TBC1D5: variants seen among roughly 807,000 people sequenced by gnomAD.
TBC1D5 encodes the protein TBC1 domain family, member 5.
In TBC1D5, 75 loss-of-function variants were observed where a neutral mutation model predicts 100.3. That is an observed-to-expected ratio of 0.75 (90% confidence interval 0.62 to 0.91). The LOEUF is 0.91. Ranked by LOEUF, TBC1D5 falls within the 40% of genes least tolerant of loss-of-function variation. TBC1D5 has a pLI of 0.00. For synonymous variants in TBC1D5, 323 were observed against 325.6 expected, an observed-to-expected ratio of 0.99 and a Z score of 0.09; for missense variants, 910 against 942.4, an observed-to-expected ratio of 0.97 and a Z score of 0.45.
At chr3:17,530,243 CAAA>C (rs57879135) in intron 2 of TBC1D5, among the ~76,000 whole-genome samples, 2 of 59,926 alleles carry the variant, frequency 3.3e-5, no homozygotes, top group South Asian at 1.1e-3. Flanking sequence ...GACTTCGTCT[CAAA>C]AAAAAAAAAA....
At chr3:17,169,408 G>A (rs1010434072) in intron 19 of TBC1D5, among the ~76,000 whole-genome samples, 28 of 152,160 alleles carry the variant, frequency 1.8e-4, no homozygotes, top group Non-Finnish European at 3.5e-4. Context: ...AAGGGGCAGG[G>A]CAATGACTGA....
intron 15 of TBC1D5, among the ~76,000 whole-genome samples, chr3:17,287,833 G>A (rs1048882572): frequency 6.6e-6 from 1 of 152,146 alleles, no homozygotes; most frequent in Non-Finnish European, 1.5e-5. Context: ...AGGATAAAGC[G>A]CTTTTCTGAA....
chr3:17,543,971 G>A (rs1006801060), intron 2 of TBC1D5, among the ~76,000 whole-genome samples: 3 of 151,744 alleles, frequency 2.0e-5, no homozygotes, highest in Non-Finnish European at 4.4e-5. Flanking sequence ...AGGTGCAAGC[G>A]ATTCGCCTGC....
intron 2 of TBC1D5, among the ~76,000 whole-genome samples, chr3:17,591,250 A>AC (rs2096767858): frequency 7.3e-6 from 1 of 137,052 alleles, no homozygotes; most frequent in Non-Finnish European, 1.6e-5. Context: ...AAAAAAAAAA[A>AC]AAAAAAAAAA....
Position 17,485,989 on chromosome 3 carries a change from C to A in TBC1D5, c.97+22485G>T, listed in dbSNP as rs575760667. Among the ~76,000 whole-genome samples, 545 of 152,112 alleles carry A rather than the reference C, an allele frequency of 3.6e-3. 4 individuals are homozygous for A. Among genetic ancestry groups the A allele is most frequent in the South Asian group, 0.027 (128 of 4,816 alleles). On this transcript the variant is annotated intron_variant, in intron 3 of 21. Coordinates refer to ENST00000253692, the Ensembl canonical transcript of TBC1D5. Reference sequence around the variant, plus strand: ...TAAAAGTGTTCCTATTTCTCCACATCCTCTCCAGCACCTGTTGTTTCCTGA... The same window carrying A: ...TAAAAGTGTTCCTATTTCTCCACATACTCTCCAGCACCTGTTGTTTCCTGA...
chr3:17,509,491 T>G (rs2095878534), intron 2 of TBC1D5, among the ~76,000 whole-genome samples: 1 of 152,058 alleles, frequency 6.6e-6, no homozygotes, highest in African/African-American at 2.4e-5. Flanking sequence ...TCATTAACAA[T>G]GGATGTTTCC....
chr3:17,241,272 A>T (rs1401636526), intron 16 of TBC1D5, among the ~76,000 whole-genome samples: 1 of 152,228 alleles, frequency 6.6e-6, no homozygotes, highest in Non-Finnish European at 1.5e-5. Flanking sequence ...TCCAACAATT[A>T]TTAATGGCTG....
intron 1 of TBC1D5, among the ~76,000 whole-genome samples, chr3:17,714,053 C>T (rs758470844): frequency 1.3e-5 from 2 of 152,166 alleles, no homozygotes; most frequent in East Asian, 1.9e-4. Flanking sequence ...GTACAAATGG[C>T]GGCCTTAGGC....
chr3:17,338,554 C>T (rs1358652684), intron 13 of TBC1D5: 2 of 152,072 alleles, frequency 1.3e-5, no homozygotes, highest in African/African-American at 4.8e-5. Flanking sequence ...GTGCCAAGCA[C>T]AAATAAATTC....
At chr3:17,442,523 G>A (rs1349377939) in intron 3 of TBC1D5, among the ~76,000 whole-genome samples, 2 of 152,220 alleles carry the variant, frequency 1.3e-5, no homozygotes, top group Non-Finnish European at 2.9e-5. Context: ...CAGACACAGT[G>A]TGTGGGGTAA....
rs540627273 is a variant in TBC1D5 at position 17,608,844 on chromosome 3, C to T, written c.-36+15005G>A. ...TGTTTCTTTCCTGAATCAGCATAAA[C>T]CAGTCACAAATCATTATTCTTAGCA... On this transcript the variant is annotated intron_variant, in intron 2 of 21. Transcript: ENST00000253692. 2.6e-5 allele frequency among the ~76,000 whole-genome samples: 4 copies of T among 152,232 alleles called. No homozygotes were observed. In the South Asian group the frequency reaches 8.3e-4, roughly 32 times the overall value.
chr3:17,320,827 T>C (rs1403993712), intron 13 of TBC1D5, among the ~76,000 whole-genome samples: 1 of 152,206 alleles, frequency 6.6e-6, no homozygotes, highest in Non-Finnish European at 1.5e-5. Flanking sequence ...TTTCTATATG[T>C]ATTGAGGGTC....
chr3:17,528,419 T>C (rs908309264), intron 2 of TBC1D5, among the ~76,000 whole-genome samples: 1 of 152,156 alleles, frequency 6.6e-6, no homozygotes, highest in Admixed American at 6.5e-5. Context: ...CAAGGTACCA[T>C]CTTGGAAGCA....
chr3:17,374,594 T>C, intron 11 of TBC1D5, 35 bp downstream of exon 11: 1 of 1,609,532 alleles, frequency 6.2e-7, no homozygotes, highest in Non-Finnish European at 8.5e-7. Context: ...AATGATGGTA[T>C]AAAAAAATAA....
intron 2 of TBC1D5, among the ~76,000 whole-genome samples, chr3:17,612,815 C>T (rs995806809): frequency 3.5e-5 from 5 of 143,800 alleles, no homozygotes; most frequent in East Asian, 2.0e-4. Context: ...AAAATGAACA[C>T]GAAAAAAAAA....
At chr3:17,370,067 C>T (rs576232404) in intron 13 of TBC1D5, among the ~76,000 whole-genome samples, 41 of 152,006 alleles carry the variant, frequency 2.7e-4, no homozygotes, top group African/African-American at 7.2e-4. Flanking sequence ...GGTCAAAATG[C>T]CAAAGAAATT....
chr3:17,724,415 C>T (rs2075955105), intron 1 of TBC1D5, among the ~76,000 whole-genome samples: 1 of 152,050 alleles, frequency 6.6e-6, no homozygotes, highest in South Asian at 2.1e-4. Context: ...AATTTTTTTC[C>T]AGCACATTGA....
At chr3:17,273,450 C>T (rs2079635922) in intron 15 of TBC1D5, among the ~76,000 whole-genome samples, 1 of 152,140 alleles carries the variant, frequency 6.6e-6, no homozygotes, top group African/African-American at 2.4e-5. Context: ...GGCATACATT[C>T]CCAATTACCC....
At chr3:17,508,875 A>C (rs1016808387) in intron 2 of TBC1D5, among the ~76,000 whole-genome samples, 1 of 152,180 alleles carries the variant, frequency 6.6e-6, no homozygotes, top group Non-Finnish European at 1.5e-5. Context: ...AAATAAGCTA[A>C]ATTCTAAATT....
Sources: gnomAD v4.1 joint callset for allele counts (sites outside exome capture counted in the v4.1 genomes callset) on GRCh38, gnomAD v4.1.1 for gene constraint, MANE v1.5 for transcripts, NCBI Gene and HGNC (gene_info 2026-07-23, HGNC 2026-07-21) for gene names.